FKBP5: variants seen among roughly 807,000 people sequenced by gnomAD.
The protein encoded by FKBP5 is peptidyl-prolyl cis-trans isomerase FKBP5.
Under a neutral mutation model 50.5 loss-of-function variants are expected in FKBP5, and 23 were observed. The ratio of observed to expected loss-of-function variants is 0.46; its 90% confidence interval spans 0.33 to 0.65. The LOEUF is 0.65. Among genes scored for constraint, FKBP5 ranks in the 30% least tolerant of loss-of-function variants. FKBP5 has a pLI of 0.02. For synonymous variants in FKBP5, 176 were observed against 190.6 expected, an observed-to-expected ratio of 0.92 and a Z score of 0.63; for missense variants, 411 against 553.1, an observed-to-expected ratio of 0.74 and a Z score of 2.58.
intron 4 of FKBP5, among the ~76,000 whole-genome samples, 175 bp from the exon 5 acceptor site, chr6:35,619,385 T>C (rs894595652): frequency 6.0e-5 from 9 of 151,010 alleles, no homozygotes; most frequent in Admixed American, 2.6e-4. Context: ...AAACCCACTA[T>C]ACTTTTCCAT....
chr6:35,709,624 T>TGAAACTATG (rs1487328613), intron 2 of FKBP5, among the ~76,000 whole-genome samples: 2 of 152,256 alleles, frequency 1.3e-5, no homozygotes, highest in African/African-American at 4.8e-5. Flanking sequence ...CATAGTTTGA[T>TGAAACTATG]GAAACTATGG....
chr6:35,721,505 G>C (rs1431713811), intron 1 of FKBP5, among the ~76,000 whole-genome samples: 1 of 151,908 alleles, frequency 6.6e-6, no homozygotes, highest in Non-Finnish European at 1.5e-5. Flanking sequence ...GCCCAGGCTG[G>C]AGTGCAATGG....
intron 2 of FKBP5, among the ~76,000 whole-genome samples, chr6:35,701,899 G>GT (rs1175895710): frequency 2.0e-5 from 3 of 151,606 alleles, no homozygotes; most frequent in Non-Finnish European, 4.4e-5. Context: ...CCAGGCTGGA[G>GT]TGCAATGGCA....
intron 2 of FKBP5, among the ~76,000 whole-genome samples, chr6:35,698,081 G>A (rs1443738849): frequency 4.6e-5 from 7 of 152,200 alleles, no homozygotes; most frequent in South Asian, 4.1e-4. Flanking sequence ...GTTGGCTCAC[G>A]CCTGTAATCC....
At chr6:35,651,541 C>G (rs1272441020) in intron 1 of FKBP5, among the ~76,000 whole-genome samples, 1 of 152,138 alleles carries the variant, frequency 6.6e-6, no homozygotes, top group African/African-American at 2.4e-5. Flanking sequence ...GGGGAGTCAT[C>G]AGATTCTACA....
chr6:35,610,622 C>T (rs943612093), intron 5 of FKBP5, among the ~76,000 whole-genome samples: 4 of 146,814 alleles, frequency 2.7e-5, no homozygotes, highest in South Asian at 2.2e-4. Context: ...TTTCCCTAGT[C>T]GAAGTCCTAA....
At chr6:35,584,457 C>T (rs1762539167) in intron 8 of FKBP5, 1 of 985,456 alleles carries the variant, frequency 1.0e-6, no homozygotes, top group Non-Finnish European at 1.2e-6. Flanking sequence ...CTCACCTACA[C>T]ATCTGGACTC....
At chr6:35,627,069 C>G (rs1388022730) in intron 3 of FKBP5, among the ~76,000 whole-genome samples, 1 of 152,182 alleles carries the variant, frequency 6.6e-6, no homozygotes, top group Non-Finnish European at 1.5e-5. Context: ...TTTTCCACAG[C>G]AGCTGCACTA....
chr6:35,665,455 T>G (rs1039490998), intron 1 of FKBP5, among the ~76,000 whole-genome samples: 5 of 149,938 alleles, frequency 3.3e-5, no homozygotes, highest in African/African-American at 9.9e-5. Flanking sequence ...ACCCAGCTAA[T>G]TTTTTTTGTA....
At position 35,575,219 on chromosome 6, in the gene FKBP5, T is replaced by C. The variant is rs1286594414; in HGVS notation, c.*616A>G. 1 of 152,276 alleles carries C rather than the reference T, an allele frequency of 6.6e-6. No individual in the cohort carries two copies. The highest frequency in any genetic ancestry group is 1.5e-5 in the Non-Finnish European group (1 of 68,112). The allele number at this position is 152,276 out of a possible 1,614,324, so 9.4% of individuals were successfully genotyped here. ...AGGAGGCTGGCTGAGGAGGGGGACT[T>C]TGGGAGGAGGCTAAGTCAGCAAGCA... On this transcript the variant is annotated 3_prime_UTR_variant, in exon 11 of 11. Transcript: ENST00000357266.
chr6:35,634,440 C>T (rs867385256), intron 3 of FKBP5, among the ~76,000 whole-genome samples: 1 of 152,114 alleles, frequency 6.6e-6, no homozygotes, highest in Non-Finnish European at 1.5e-5. Context: ...GAGCCATTAA[C>T]CTACTAAAGA....
chr6:35,675,552 A>G (rs1220677426), intron 1 of FKBP5, among the ~76,000 whole-genome samples: 3 of 152,214 alleles, frequency 2.0e-5, no homozygotes, highest in East Asian at 3.8e-4. Flanking sequence ...CCTGGGTGAC[A>G]GAGAAACACT....
At chr6:35,670,647 G>A (rs1257595516) in intron 1 of FKBP5, among the ~76,000 whole-genome samples, 4 of 151,496 alleles carry the variant, frequency 2.6e-5, no homozygotes, top group South Asian at 2.1e-4. Context: ...CACAAGAATC[G>A]CTTGAACCTG....
chr6:35,673,515 C>G lies in FKBP5; in HGVS notation c.-20+15289G>C, dbSNP rs368062411. The stretch of plus-strand genomic sequence containing the variant: ...GAGTGCCACTGCACTCCAGCCTGGG[C>G]AACAGAGCAAGACCCTGTCTCAAAA... On this transcript the variant is annotated intron_variant, in intron 1 of 10. Coordinates refer to ENST00000357266, the MANE Select transcript of FKBP5 (RefSeq NM_004117.4). Among the ~76,000 whole-genome samples the G allele has an allele frequency of 2.6e-5, 4 of 151,144 alleles. No homozygotes were observed. The East Asian group carries it at 7.8e-4, about 29-fold the overall frequency.
Position 35,619,100 on chromosome 6 carries a change from T to C in FKBP5, c.504A>G (p.Val168=). The C allele has an allele frequency of 6.2e-7, 1 of 1,608,772 alleles. No homozygotes were observed. The highest frequency in any genetic ancestry group is 8.5e-7 in the Non-Finnish European group (1 of 1,175,202). Residue 168 remains valine, a synonymous_variant, in exon 5 of 11, where the codon GTA becomes GTG. Coordinates refer to ENST00000357266, the MANE Select transcript of FKBP5 (RefSeq NM_004117.4). ...GYSNPNEGAT[V]EIHLEGRCGG... Reference sequence around the variant, plus strand: ...CCCTCTTACTTTAATACTTACTTTCTACTGTTGCTCCTTCGTTTGGATTTG... The same window carrying C: ...CCCTCTTACTTTAATACTTACTTTCCACTGTTGCTCCTTCGTTTGGATTTG...
At chr6:35,614,659 A>C (rs909762570) in intron 5 of FKBP5, among the ~76,000 whole-genome samples, 2 of 152,208 alleles carry the variant, frequency 1.3e-5, no homozygotes, top group Non-Finnish European at 2.9e-5. Context: ...GCAATTCTAA[A>C]ACCATCTTAC....
At chr6:35,586,273 G>A in intron 8 of FKBP5, 3 of 985,070 alleles carry the variant, frequency 3.0e-6, no homozygotes, top group Non-Finnish European at 3.6e-6. Context: ...CACACTCCTA[G>A]TTGCTCCAAG....
rs762532868 is a variant in FKBP5, at chr6:35,575,819, C to G, written c.*16G>C. The G allele has an allele frequency of 1.3e-5, 20 of 1,559,786 alleles. No individual in the cohort carries two copies. Among genetic ancestry groups the G allele is most frequent in the Non-Finnish European group, 1.8e-5 (20 of 1,130,558 alleles). Reference sequence around the variant, plus strand: ...GGGGCCGAGTTCACTGGGACTCTTCCCTCCTTGGCGTGGCGTCATACGTGG... The same window carrying G: ...GGGGCCGAGTTCACTGGGACTCTTCGCTCCTTGGCGTGGCGTCATACGTGG... On this transcript the variant is annotated 3_prime_UTR_variant, in exon 11 of 11. Coordinates refer to ENST00000357266, the MANE Select transcript of FKBP5 (RefSeq NM_004117.4).
At chr6:35,582,919 T>C in intron 8 of FKBP5, 1 of 898,580 alleles carries the variant, frequency 1.1e-6, no homozygotes, top group Non-Finnish European at 1.3e-6. Flanking sequence ...GGAATGTAAA[T>C]ATGGAATCAA....
Sources: gnomAD v4.1 joint callset for allele counts (sites outside exome capture counted in the v4.1 genomes callset) on GRCh38, gnomAD v4.1.1 for gene constraint, MANE v1.5 for transcripts, NCBI Gene and HGNC (gene_info 2026-07-23, HGNC 2026-07-21) for gene names.